Variants in CSMD1 observed in about 807,000 individuals in gnomAD.
The protein encoded by CSMD1 is CUB and sushi domain-containing protein 1.
Under a neutral mutation model 417.5 loss-of-function variants are expected in CSMD1, and 213 were observed. The ratio of observed to expected loss-of-function variants is 0.51; its 90% CI spans 0.46 to 0.57. CSMD1 has a LOEUF of 0.57. Ranked by LOEUF, CSMD1 falls within the 20% of genes least tolerant of loss-of-function variation. The probability of loss-of-function intolerance (pLI) is 0.00; values close to 1 mark genes in which losing one functional copy is unlikely to be tolerated. For missense variants in CSMD1, 6,923 were observed against 4,529.7 expected (o/e 1.53, Z -15.17); for synonymous variants, 2,862 against 1,736.8 (o/e 1.65, Z -16.11).
chr8:3,234,478 A>C (rs1799034361), intron 26 of CSMD1, among the ~76,000 whole-genome samples: 1 of 151,790 alleles, frequency 6.6e-6, no homozygotes, highest in African/African-American at 2.4e-5. Flanking sequence ...TGAAAACAGC[A>C]CTCTCAGTGG....
intron 9 of CSMD1, among the ~76,000 whole-genome samples, chr8:3,578,708 C>G (rs1469642010): frequency 2.6e-5 from 4 of 152,174 alleles, no homozygotes; most frequent in African/African-American, 9.7e-5. Context: ...GCTCCTCACA[C>G]AGGAGACAGC....
intron 3 of CSMD1, among the ~76,000 whole-genome samples, chr8:4,059,035 G>A (rs570647578): frequency 6.6e-6 from 1 of 151,978 alleles, no homozygotes; most frequent in East Asian, 1.9e-4. Flanking sequence ...TGACCATACA[G>A]TTGGAAGTAA....
intron 9 of CSMD1, among the ~76,000 whole-genome samples, chr8:3,585,673 C>T (rs980306615): frequency 6.6e-6 from 1 of 152,114 alleles, no homozygotes; most frequent in African/African-American, 2.4e-5. Flanking sequence ...GATTAAAGAT[C>T]ATTTATTAAT....
At chr8:3,953,000 T>G (rs530333910) in intron 5 of CSMD1, among the ~76,000 whole-genome samples, 59 of 151,860 alleles carry the variant, frequency 3.9e-4, no homozygotes, top group Non-Finnish European at 7.9e-4. Context: ...AAAAATAACA[T>G]TATTTAAAAA....
chr8:3,694,762 G>T (rs147893993), intron 7 of CSMD1, among the ~76,000 whole-genome samples: 2 of 151,812 alleles, frequency 1.3e-5, no homozygotes, highest in African/African-American at 4.8e-5. Flanking sequence ...CACCAAAAAA[G>T]AAGTGGAAAG....
chr8:3,890,250 C>T (rs1260480252), intron 5 of CSMD1, among the ~76,000 whole-genome samples: 2 of 152,050 alleles, frequency 1.3e-5, no homozygotes, highest in African/African-American at 4.8e-5. Flanking sequence ...GTTGTTCAAA[C>T]TTGCAAAGAA....
intron 3 of CSMD1, among the ~76,000 whole-genome samples, chr8:4,393,800 A>T (rs550997060): frequency 1.3e-5 from 2 of 152,338 alleles, no homozygotes; most frequent in South Asian, 4.1e-4. Flanking sequence ...GATCATCTTT[A>T]TATGCCATAT....
rs66500235 is a variant in CSMD1, at chr8:3,643,700, C to CAAAAAAAAAAAAAAAAAAAA, written c.1010-26923_1010-26904dup. 2.2e-3 allele frequency among the ~76,000 whole-genome samples: 187 copies of CAAAAAAAAAAAAAAAAAAAA among 85,322 alleles called. 5 individuals carry two copies. The highest frequency in any genetic ancestry group is 0.014 in the East Asian group (34 of 2,398). 56.0% of individuals were successfully genotyped at this position (85,322 alleles called of 152,430 possible). On this transcript the variant is annotated intron_variant, in intron 7 of 69. Transcript: ENST00000635120. ...TGGGCGACAGCGTGAGACTCCGTCT[C>CAAAAAAAAAAAAAAAAAAAA]AAAAAAAAAAAAAAAAAAAAAAGGA...
intron 5 of CSMD1, among the ~76,000 whole-genome samples, chr8:3,969,943 C>T (rs191006451): frequency 1.4e-4 from 21 of 152,254 alleles, no homozygotes; most frequent in African/African-American, 3.9e-4. Flanking sequence ...ATTTAAACAA[C>T]CTCTCCCAGC....
At chr8:3,452,000 G>A (rs893474812) in intron 12 of CSMD1, among the ~76,000 whole-genome samples, 8 of 152,100 alleles carry the variant, frequency 5.3e-5, no homozygotes, top group African/African-American at 1.9e-4. Flanking sequence ...ATTGAGCAGT[G>A]GTTTGTAGTT....
chr8:3,798,394 T>C (rs1198275770), intron 5 of CSMD1, among the ~76,000 whole-genome samples: 1 of 152,072 alleles, frequency 6.6e-6, no homozygotes, highest in African/African-American at 2.4e-5. Flanking sequence ...GGGTCTCTTA[T>C]ATGCCCAAGT....
intron 6 of CSMD1, among the ~76,000 whole-genome samples, chr8:3,708,764 T>C (rs1372660425): frequency 6.6e-6 from 1 of 152,164 alleles, no homozygotes; most frequent in Admixed American, 6.5e-5. Flanking sequence ...CCAATCCTAT[T>C]TACCACTAGG....
In CSMD1 at chr8:4,363,088, T is replaced by C. The variant is rs528404399; in HGVS notation, c.415+56865A>G. ...TCTCTTCAGAGCAGCCAGGTCACAG[T>C]GGATCATAATATCAGAGACTTCATC... On this transcript the variant is annotated intron_variant, in intron 3 of 69. Coordinates refer to ENST00000635120, the MANE Select transcript of CSMD1 (RefSeq NM_033225.6). Among the ~76,000 whole-genome samples, 9 of 152,290 alleles carry C rather than the reference T, an allele frequency of 5.9e-5. No homozygotes were observed. The South Asian group carries it at 1.9e-3, about 32-fold the overall frequency.
intron 2 of CSMD1, among the ~76,000 whole-genome samples, chr8:4,435,183 A>G (rs978078012): frequency 6.6e-6 from 1 of 152,228 alleles, no homozygotes; most frequent in Non-Finnish European, 1.5e-5. Flanking sequence ...AATAGGGAAT[A>G]TAAATTGATA....
intron 1 of CSMD1, among the ~76,000 whole-genome samples, chr8:4,927,633 G>A (rs1184544083): frequency 4.6e-5 from 7 of 152,284 alleles, no homozygotes; most frequent in Middle Eastern, 3.4e-3. Context: ...ACAACAGGCA[G>A]GGCATCTACA....
intron 1 of CSMD1, among the ~76,000 whole-genome samples, chr8:4,644,731 T>C (rs529629843): frequency 2.0e-5 from 3 of 152,244 alleles, no homozygotes; most frequent in African/African-American, 7.2e-5. Flanking sequence ...TATTCCCTTA[T>C]AGCATTTATA....
At chr8:4,829,954 C>A in intron 1 of CSMD1, among the ~76,000 whole-genome samples, 1 of 152,106 alleles carries the variant, frequency 6.6e-6, no homozygotes, top group Non-Finnish European at 1.5e-5. Context: ...AAAACACACA[C>A]AAAAATTTTG....
intron 2 of CSMD1, among the ~76,000 whole-genome samples, chr8:4,578,956 T>C (rs1387749243): frequency 6.6e-6 from 1 of 151,822 alleles, no homozygotes; most frequent in African/African-American, 2.4e-5. Flanking sequence ...TTAATTAAAA[T>C]GATTAACCTT....
At chr8:3,278,903 C>G (rs975953523) in intron 26 of CSMD1, 7 of 152,196 alleles carry the variant, frequency 4.6e-5, no homozygotes, top group African/African-American at 1.7e-4. Context: ...CAGTTTCTTC[C>G]TGCAGTGAAG....
Sources: gnomAD v4.1 joint callset for allele counts (sites outside exome capture counted in the v4.1 genomes callset) on GRCh38, gnomAD v4.1.1 for gene constraint, MANE v1.5 for transcripts, NCBI Gene and HGNC (gene_info 2026-07-23, HGNC 2026-07-21) for gene names.